KLHL29: variants seen among roughly 807,000 people sequenced by gnomAD.
KLHL29 encodes the protein kelch-like protein 29.
KLHL29 carries 21 observed loss-of-function variants against 80.4 expected under a neutral mutation model. The observed-to-expected ratio is 0.26, with a 90% CI of 0.19 to 0.38. The LOEUF (loss-of-function observed/expected upper bound fraction) is 0.38. KLHL29 is among the 10% of genes least tolerant of loss of function. The probability of loss-of-function intolerance (pLI) is 1.00; values close to 1 mark genes in which losing one functional copy is unlikely to be tolerated. For synonymous variants in KLHL29, 511 were observed against 526.8 expected (o/e 0.97, Z 0.41); for missense variants, 867 against 1,223.9 (o/e 0.71, Z 4.35).
intron 5 of KLHL29, among the ~76,000 whole-genome samples, chr2:23,674,394 G>A (rs1398116168): frequency 6.6e-6 from 1 of 152,158 alleles, no homozygotes; most frequent in African/African-American, 2.4e-5. Context: ...ATTCAGCGGT[G>A]GACATGGTCA....
intron 5 of KLHL29, among the ~76,000 whole-genome samples, chr2:23,648,671 G>T (rs1670005045): frequency 1.3e-5 from 2 of 152,176 alleles, no homozygotes; most frequent in South Asian, 2.1e-4. Flanking sequence ...TAATCAGGGT[G>T]CCAGGGACAC....
intron 1 of KLHL29, among the ~76,000 whole-genome samples, chr2:23,390,860 G>T (rs1335612877): frequency 2.0e-5 from 3 of 151,918 alleles, no homozygotes; most frequent in Non-Finnish European, 2.9e-5. Context: ...CACCATGTTG[G>T]CCAGGCTGGT....
chr2:23,584,415 C>G (rs1351740757), intron 3 of KLHL29, among the ~76,000 whole-genome samples: 1 of 152,240 alleles, frequency 6.6e-6, no homozygotes, highest in African/African-American at 2.4e-5. Context: ...GGCAGAAACT[C>G]TGGGACTAGG....
chr2:23,409,811 T>C (rs1335645336), intron 1 of KLHL29, among the ~76,000 whole-genome samples: 1 of 152,144 alleles, frequency 6.6e-6, no homozygotes, highest in African/African-American at 2.4e-5. Context: ...CAATAAACAC[T>C]ATGAAGGAAG....
chr2:23,387,509 TA>T (rs869046629), intron 1 of KLHL29, among the ~76,000 whole-genome samples: 8 of 19,514 alleles, frequency 4.1e-4, no homozygotes, highest in African/African-American at 2.0e-3. Context: ...CCTGATTTAT[TA>T]TTATTATTAT....
intron 1 of KLHL29, among the ~76,000 whole-genome samples, chr2:23,425,643 C>T (rs142565677): frequency 6.6e-6 from 1 of 152,208 alleles, no homozygotes; most frequent in Admixed American, 6.5e-5. Context: ...AGTGTCCCCC[C>T]AGACTGCAGC....
chr2:23,536,447 G>A (rs934587733), intron 2 of KLHL29, among the ~76,000 whole-genome samples: 4 of 152,146 alleles, frequency 2.6e-5, no homozygotes, highest in African/African-American at 4.8e-5. Flanking sequence ...GGCTGGTGCC[G>A]GCCTGAGCAG....
rs1426493413 is a variant in KLHL29 at position 23,614,553 on chromosome 2, A to ACAT, written c.286-24586_286-24585insCAT. ...GTATAGAAGATTTGCAAACACAATT[A>ACAT]GTAAACATGACAACGGCTTAGAGAA... On this transcript the variant is annotated intron_variant, in intron 3 of 13. Transcript: ENST00000486442. 4.6e-5 allele frequency among the ~76,000 whole-genome samples: 7 copies of ACAT among 152,382 alleles called. No homozygotes were observed. The East Asian group carries it at 1.3e-3, about 29-fold the overall frequency.
At chr2:23,536,890 TCACACA>T (rs111611960) in intron 2 of KLHL29, among the ~76,000 whole-genome samples, 10 of 143,212 alleles carry the variant, frequency 7.0e-5, no homozygotes, top group South Asian at 2.3e-4. Flanking sequence ...AAGACAGATC[TCACACA>T]CACACACACA....
chr2:23,504,114 T>A (rs1020128174), intron 2 of KLHL29, among the ~76,000 whole-genome samples: 1 of 152,092 alleles, frequency 6.6e-6, no homozygotes, highest in Non-Finnish European at 1.5e-5. Flanking sequence ...TTGAGAGCAA[T>A]CCCAGGTCAT....
chr2:23,506,979 AACCTTCCAC>A (rs1436191469), intron 2 of KLHL29: 4 of 236,176 alleles, frequency 1.7e-5, no homozygotes, highest in Non-Finnish European at 4.0e-5. Context: ...TATGCCAGAG[AACCTTCCAC>A]ACTCAGAGCC....
rs185414289 is a variant in KLHL29, at chr2:23,560,991, A to G, written c.-45-1161A>G. 2.0e-5 allele frequency among the ~76,000 whole-genome samples: 3 copies of G among 152,310 alleles called. No individual in the cohort carries two copies. In the East Asian group the frequency reaches 5.8e-4, roughly 29 times the overall value. ...GCTGAGCTGGACTGGCAGGATAGGA[A>G]AAGGAGCTGGGAACCCGGACCTCCG... On this transcript the variant is annotated intron_variant, in intron 2 of 13. Transcript: ENST00000486442.
At chr2:23,497,391 C>T (rs1340870786) in intron 2 of KLHL29, among the ~76,000 whole-genome samples, 2 of 152,164 alleles carry the variant, frequency 1.3e-5, no homozygotes, top group Non-Finnish European at 2.9e-5. Flanking sequence ...TCAGCCCCTC[C>T]CTCTAGCAGT....
intron 1 of KLHL29, among the ~76,000 whole-genome samples, chr2:23,446,276 C>A (rs558600538): frequency 6.7e-6 from 1 of 149,160 alleles, no homozygotes; most frequent in Non-Finnish European, 1.5e-5. Context: ...ATGCATCTTT[C>A]CCCCAAAGGT....
At chr2:23,563,013 T>C (rs1667490614) in intron 3 of KLHL29, among the ~76,000 whole-genome samples, 1 of 152,194 alleles carries the variant, frequency 6.6e-6, no homozygotes, top group African/African-American at 2.4e-5. Flanking sequence ...TGCCTTACAG[T>C]TGAGGACACT....
Position 23,401,261 on chromosome 2 carries a change from C to T in KLHL29, c.-154+15481C>T, listed in dbSNP as rs186875339. Reference sequence around the variant, plus strand: ...TCACTGGGGAACCTCATGAAGCAGACAGAATTTGGGGGCCCTCCAAGAGAA... The same window carrying T: ...TCACTGGGGAACCTCATGAAGCAGATAGAATTTGGGGGCCCTCCAAGAGAA... On this transcript the variant is annotated intron_variant, in intron 1 of 13. Coordinates refer to ENST00000486442, the MANE Select transcript of KLHL29 (RefSeq NM_052920.2). 1.2e-4 allele frequency among the ~76,000 whole-genome samples: 18 copies of T among 152,294 alleles called. No homozygotes were observed. In the East Asian group the frequency reaches 2.3e-3, roughly 20 times the overall value.
At chr2:23,586,362 CTTTT>C (rs778067234) in intron 3 of KLHL29, among the ~76,000 whole-genome samples, 8 of 96,990 alleles carry the variant, frequency 8.2e-5, no homozygotes, top group African/African-American at 3.6e-4. Flanking sequence ...AAAAGCATTA[CTTTT>C]TTTTTTTTTT....
At chr2:23,615,577 G>A (rs903568695) in intron 3 of KLHL29, among the ~76,000 whole-genome samples, 2 of 152,072 alleles carry the variant, frequency 1.3e-5, no homozygotes, top group African/African-American at 4.8e-5. Context: ...CCTGCGAGCC[G>A]GGCCGGAGCA....
At position 23,457,006 on chromosome 2, in the gene KLHL29, C is replaced by T. The variant is rs1055374630; in HGVS notation, c.-153-18554C>T. The stretch of plus-strand genomic sequence containing the variant: ...GGCTACATGGAAGGGAGCAGGGTGG[C>T]GGCATCTCAGGTGTCAGGGCCGGAG... On this transcript the variant is annotated intron_variant, in intron 1 of 13. Transcript: ENST00000486442. This position sits in a 1 kb window ranked among gnomAD's most constrained non-coding sequence, Gnocchi z 4.3. Among the ~76,000 whole-genome samples, 5 of 152,204 alleles carry T rather than the reference C, an allele frequency of 3.3e-5. No individual in the cohort carries two copies. The highest frequency in any genetic ancestry group is 3.3e-4 in the Admixed American group (5 of 15,276).
Sources: gnomAD v4.1 joint callset for allele counts (sites outside exome capture counted in the v4.1 genomes callset) on GRCh38, gnomAD v4.1.1 for gene constraint, Gnocchi (gnomAD v3.1) non-coding constraint, MANE v1.5 for transcripts, NCBI Gene and HGNC (gene_info 2026-07-23, HGNC 2026-07-21) for gene names.